The following ZNRF3 variants were observed in gnomAD, a reference collection of about 807,000 sequenced individuals.
ZNRF3 encodes E3 ubiquitin-protein ligase ZNRF3.
Under a neutral mutation model 72.5 loss-of-function variants are expected in ZNRF3, and 23 were observed. That is an observed-to-expected ratio of 0.32 (90% CI 0.23 to 0.45). ZNRF3 has a LOEUF of 0.45. Among genes scored for constraint, ZNRF3 ranks in the 20% least tolerant of loss-of-function variants. The probability of loss-of-function intolerance (pLI) is 1.00; values close to 1 mark genes in which losing one functional copy is unlikely to be tolerated. For synonymous variants in ZNRF3, 610 were observed against 545.3 expected (o/e 1.12, Z -1.65); for missense variants, 1,169 against 1,272.1 (o/e 0.92, Z 1.23).
chr22:28,918,528 G>A (rs1429966298), intron 1 of ZNRF3, among the ~76,000 whole-genome samples: 1 of 40,332 alleles, frequency 2.5e-5, no homozygotes, highest in Non-Finnish European at 6.0e-5. Flanking sequence ...ATGTGTATCT[G>A]CATGTGTGCG....
chr22:28,920,785 G>A (rs1373608162), intron 1 of ZNRF3, among the ~76,000 whole-genome samples: 2 of 152,224 alleles, frequency 1.3e-5, no homozygotes, highest in Non-Finnish European at 2.9e-5. Context: ...TTGACGGGTA[G>A]CCTGTACCCC....
intron 1 of ZNRF3, among the ~76,000 whole-genome samples, chr22:28,891,091 T>G (rs2033878044): frequency 6.6e-6 from 1 of 152,168 alleles, no homozygotes; most frequent in Admixed American, 6.5e-5. Context: ...TTCCCAAGTC[T>G]GGAGAGTTTG....
chr22:28,917,117 C>T (rs143212738), intron 1 of ZNRF3, among the ~76,000 whole-genome samples: 2 of 152,132 alleles, frequency 1.3e-5, no homozygotes, highest in African/African-American at 2.4e-5. Flanking sequence ...TGTGTGATTG[C>T]CTAGAAGCGT....
At chr22:28,938,468 G>T (rs769443849) in intron 1 of ZNRF3, among the ~76,000 whole-genome samples, 1 of 152,152 alleles carries the variant, frequency 6.6e-6, no homozygotes, top group Non-Finnish European at 1.5e-5. Flanking sequence ...AGCACTTAGC[G>T]TGTATTATCT....
intron 2 of ZNRF3, among the ~76,000 whole-genome samples, chr22:28,994,414 C>G (rs1006399797): frequency 6.6e-6 from 1 of 151,538 alleles, no homozygotes; most frequent in Non-Finnish European, 1.5e-5. Flanking sequence ...TCGGGCTGGT[C>G]TCAAACTCAG....
At chr22:28,976,473 G>A (rs1321838896) in intron 1 of ZNRF3, among the ~76,000 whole-genome samples, 1 of 152,104 alleles carries the variant, frequency 6.6e-6, no homozygotes, top group Non-Finnish European at 1.5e-5. Flanking sequence ...GCCTCTACAC[G>A]CCAGCCTGGG....
At chr22:28,895,911 T>C (rs1018433286) in intron 1 of ZNRF3, among the ~76,000 whole-genome samples, 1 of 152,094 alleles carries the variant, frequency 6.6e-6, no homozygotes, top group Admixed American at 6.5e-5. Flanking sequence ...CATCCTCTCA[T>C]TTGGGAGTGC....
At chr22:29,007,493 A>G (rs2036274811) in intron 2 of ZNRF3, among the ~76,000 whole-genome samples, 1 of 151,704 alleles carries the variant, frequency 6.6e-6, no homozygotes, top group African/African-American at 2.4e-5. Context: ...TTTTTTTTAA[A>G]CTAGCTGGGC....
chr22:29,024,976 C>CTTTTTTTTTTTTTTTTTTTTTTTTT (rs134554), intron 2 of ZNRF3: 1 of 110,458 alleles, frequency 9.1e-6, no homozygotes. Flanking sequence ...CCCTGTGCTA[C>CTTTTTTTTTTTTTTTTTTTTTTTTT]TTTTTTTTTT....
At chr22:28,970,326 C>T (rs567794405) in intron 1 of ZNRF3, among the ~76,000 whole-genome samples, 5 of 152,282 alleles carry the variant, frequency 3.3e-5, no homozygotes, top group South Asian at 2.1e-4. Context: ...GATACTGCTA[C>T]GTGCCACTAG....
chr22:28,918,203 G>A (rs771897691), intron 1 of ZNRF3, among the ~76,000 whole-genome samples: 1 of 152,148 alleles, frequency 6.6e-6, no homozygotes, highest in South Asian at 2.1e-4. Flanking sequence ...CCAGCCCAGC[G>A]GCCCTTTTAG....
Position 29,030,401 on chromosome 22 carries a change from A to C in ZNRF3, c.427-12094A>C, listed in dbSNP as rs1243520052. 6.6e-6 allele frequency among the ~76,000 whole-genome samples: 1 copy of C among 152,212 alleles called. No homozygotes were observed. Among genetic ancestry groups the C allele is most frequent in the Non-Finnish European group, 1.5e-5 (1 of 68,040 alleles). On this transcript the variant is annotated intron_variant, in intron 2 of 8. Coordinates refer to ENST00000544604, the MANE Select transcript of ZNRF3 (RefSeq NM_001206998.2). This position sits in a 1 kb window ranked among gnomAD's most constrained non-coding sequence, Gnocchi z 4.2. ...AGTGGGGCTGCTACATATTTTGAGAATAAGTAACACTATTTAAACTTAGGC... is the reference window on the plus strand; with the variant it reads ...AGTGGGGCTGCTACATATTTTGAGACTAAGTAACACTATTTAAACTTAGGC...
At chr22:28,907,963 G>A (rs189814958) in intron 1 of ZNRF3, among the ~76,000 whole-genome samples, 385 of 152,318 alleles carry the variant, frequency 2.5e-3, no homozygotes, top group Non-Finnish European at 4.4e-3. Flanking sequence ...GGAAGTGGGC[G>A]TTTTCTAAAT....
intron 2 of ZNRF3, among the ~76,000 whole-genome samples, chr22:29,008,417 G>A (rs964769629): frequency 6.6e-6 from 1 of 152,180 alleles, no homozygotes; most frequent in Non-Finnish European, 1.5e-5. Flanking sequence ...TATCTAACAT[G>A]GCCTGCAGAA....
intron 2 of ZNRF3, 45 bp from the exon 3 acceptor site, chr22:29,042,450 T>TAA: frequency 6.3e-7 from 1 of 1,584,800 alleles, no homozygotes. Flanking sequence ...TTTGAAAAGG[T>TAA]AAGAGGACCA....
At chr22:28,977,769 A>G (rs2035701297) in intron 1 of ZNRF3, among the ~76,000 whole-genome samples, 1 of 152,186 alleles carries the variant, frequency 6.6e-6, no homozygotes, top group Non-Finnish European at 1.5e-5. Flanking sequence ...CTCTCAGCCT[A>G]GTGTAGAGAT....
intron 2 of ZNRF3, among the ~76,000 whole-genome samples, chr22:29,034,567 C>A (rs1171663333): frequency 6.6e-6 from 1 of 152,154 alleles, no homozygotes; most frequent in Non-Finnish European, 1.5e-5. Context: ...AAAATAGGAG[C>A]CTCTAGCATG....
intron 1 of ZNRF3, among the ~76,000 whole-genome samples, chr22:28,911,663 C>T (rs1035758378): frequency 6.8e-6 from 1 of 146,584 alleles, no homozygotes; most frequent in African/African-American, 2.5e-5. Context: ...GGCATTTGAC[C>T]TTGGTTAGCA....
intron 2 of ZNRF3, among the ~76,000 whole-genome samples, chr22:29,021,773 C>G (rs1400262652): frequency 6.6e-6 from 1 of 152,140 alleles, no homozygotes; most frequent in Non-Finnish European, 1.5e-5. Flanking sequence ...CAGGCGTAAG[C>G]CACCGTGCCC....
Sources: allele counts gnomAD v4.1 joint callset (sites outside exome capture counted in the v4.1 genomes callset), GRCh38; gene constraint gnomAD v4.1.1; non-coding constraint Gnocchi (gnomAD v3.1); transcripts MANE v1.5; gene names NCBI Gene and HGNC (gene_info 2026-07-23, HGNC 2026-07-21).